NBPF12: variants seen among roughly 807,000 people sequenced by gnomAD.
The protein encoded by NBPF12 is NBPF family member NBPF12.
In NBPF12, 115 loss-of-function variants were observed where a neutral mutation model predicts 146.4. The observed-to-expected ratio is 0.79, with a 90% CI of 0.68 to 0.92. The LOEUF (loss-of-function observed/expected upper bound fraction) is 0.92, where lower values mean the gene tolerates loss of function less well. Ranked by LOEUF, NBPF12 falls within the 40% of genes least tolerant of loss-of-function variation. The probability of loss-of-function intolerance (pLI) is 0.00; values close to 1 mark genes in which losing one functional copy is unlikely to be tolerated. For synonymous variants in NBPF12, 385 were observed against 508.9 expected (o/e 0.76, Z 3.28); for missense variants, 1,205 against 1,326.8 (o/e 0.91, Z 1.43).
chr1:146,989,360 C>T (rs1657999505), intron 27 of NBPF12, among the ~76,000 whole-genome samples: 1 of 148,690 alleles, frequency 6.7e-6, no homozygotes, highest in Non-Finnish European at 1.5e-5. Context: ...CTGTCTCTGT[C>T]TCTGTCTCTG....
chr1:146,977,986 C>T (rs1167624707), intron 18 of NBPF12, among the ~76,000 whole-genome samples: 2 of 151,952 alleles, frequency 1.3e-5, no homozygotes, highest in African/African-American at 4.8e-5. Context: ...AGTCATCTGT[C>T]CATGAACAAT....
chr1:146,963,022 A>G, intron 5 of NBPF12, 73 bp from the exon 9 acceptor site: 1 of 1,556,982 alleles, frequency 6.4e-7, no homozygotes, highest in Non-Finnish European at 8.8e-7. Context: ...TGTCTCAGAA[A>G]TCTCTGTTGC....
In NBPF12 at chr1:146,964,562, G is replaced by A. The variant is rs1656068768; in HGVS notation, c.566+133G>A. 7.5e-6 allele frequency: 11 copies of A among 1,459,430 alleles called. No homozygotes were observed. The South Asian group carries it at 1.3e-4, about 17-fold the overall frequency. The allele number at this position is 1,459,430 out of a possible 1,614,324, so 90.4% of individuals were successfully genotyped here. ...GCCACAGTATGTGAAATTCAACCCAGCTTAGACACAGGGTGCGACAGCTGT... is the reference window on the plus strand; with the variant it reads ...GCCACAGTATGTGAAATTCAACCCAACTTAGACACAGGGTGCGACAGCTGT... On this transcript the variant is annotated intron_variant, in intron 7 of 33. Coordinates refer to ENST00000617844, the Ensembl canonical transcript of NBPF12.
chr1:146,965,968 A>T (rs1312861376), intron 8 of NBPF12, among the ~76,000 whole-genome samples: 2 of 151,534 alleles, frequency 1.3e-5, no homozygotes, highest in African/African-American at 2.4e-5. Context: ...ATTAGCTGTC[A>T]TGTTACTTGG....
intron 14 of NBPF12, among the ~76,000 whole-genome samples, chr1:146,973,899 C>A (rs1463446622): frequency 6.7e-6 from 1 of 150,286 alleles, no homozygotes; most frequent in Non-Finnish European, 1.5e-5. Flanking sequence ...GAAGAAAGAT[C>A]GCACCCGAGA....
chr1:146,994,456 T>C, exon 34 of NBPF12: 2 of 1,611,606 alleles, frequency 1.2e-6, no homozygotes, highest in Non-Finnish European at 1.7e-6. Context: ...CAGAAGTGTG[T>C]TTTACTCATT....
rs1485945438 is a variant in NBPF12 at position 146,970,825 on chromosome 1, T to C, written c.1379+106T>C. The C allele has an allele frequency of 8.2e-5, 90 of 1,094,056 alleles. 2 individuals carry two copies. The highest frequency in any genetic ancestry group is 4.9e-4 in the East Asian group (21 of 42,554). The allele number at this position is 1,094,056 out of a possible 1,614,324, so 67.8% of individuals were successfully genotyped here. On this transcript the variant is annotated intron_variant, in intron 12 of 33. Transcript: ENST00000617844. ...GATGGGCCAAAAGCCCGCATTCCCT[T>C]GGCCACAGTATGTGAAATTCAACCC...
chr1:146,950,865 A>G (rs1405056364), intron 1 of NBPF12, among the ~76,000 whole-genome samples: 5 of 152,140 alleles, frequency 3.3e-5, no homozygotes, highest in Non-Finnish European at 7.3e-5. Flanking sequence ...TAAAACTGCT[A>G]TGGACATTCT....
At chr1:146,980,185 C>T (rs1657280814) in intron 19 of NBPF12, among the ~76,000 whole-genome samples, 1 of 152,002 alleles carries the variant, frequency 6.6e-6, no homozygotes. Context: ...TCCTCCATCC[C>T]TTTATTTTGA....
upstream of NBPF12, among the ~76,000 whole-genome samples, chr1:146,948,677 A>T (rs1202339166): frequency 6.6e-6 from 1 of 152,024 alleles, no homozygotes; most frequent in Non-Finnish European, 1.5e-5. Flanking sequence ...GATAGTCTGA[A>T]ATACAGCCTC....
rs1182332864 is a variant in NBPF12, at chr1:146,962,149, T to A, written c.176-12T>A. 2.9e-5 allele frequency: 47 copies of A among 1,608,584 alleles called. No individual in the cohort carries two copies. The highest frequency in any genetic ancestry group is 3.8e-5 in the Non-Finnish European group (45 of 1,177,890). On this transcript the variant is annotated splice_polypyrimidine_tract_variant and intron_variant, in intron 4 of 33. Coordinates refer to ENST00000617844, the Ensembl canonical transcript of NBPF12. ...CCTTCCACTGAGGCAGGCGTGTCTG[T>A]CTTTTTCTCAGAGTATGAAGAGTGT...
chr1:146,968,863 C>T (rs1189187872), intron 10 of NBPF12, among the ~76,000 whole-genome samples: 40 of 151,358 alleles, frequency 2.6e-4, no homozygotes, highest in African/African-American at 9.6e-4. Flanking sequence ...AATGGTGTGC[C>T]ATCACGACCC....
At chr1:146,972,200 G>A (rs1656687881) in intron 13 of NBPF12, among the ~76,000 whole-genome samples, 1 of 150,900 alleles carries the variant, frequency 6.6e-6, no homozygotes, top group Non-Finnish European at 1.5e-5. Flanking sequence ...TTCGAAACCA[G>A]CCTGTCCAAG....
At chr1:146,981,627 T>C (rs1288814630) in intron 19 of NBPF12, among the ~76,000 whole-genome samples, 1 of 151,954 alleles carries the variant, frequency 6.6e-6, no homozygotes, top group African/African-American at 2.4e-5. Context: ...GAAGTCCTCC[T>C]GGATAATATC....
chr1:146,965,371 G>T (rs1174424099), intron 8 of NBPF12, among the ~76,000 whole-genome samples: 1 of 151,306 alleles, frequency 6.6e-6, no homozygotes, highest in Non-Finnish European at 1.5e-5. Flanking sequence ...ATGGTGCTGC[G>T]TGCCTATAGT....
At chr1:146,951,353 G>T (rs1655317500) in exon 2 of NBPF12, 1 of 630,372 alleles carries the variant, frequency 1.6e-6, no homozygotes, top group Non-Finnish European at 2.8e-6. Flanking sequence ...GGTAGCCCTT[G>T]AAGATAAGGA....
intron 13 of NBPF12, among the ~76,000 whole-genome samples, 198 bp from the exon 17 acceptor site, chr1:146,972,553 C>T (rs1343500726): frequency 2.6e-5 from 4 of 151,612 alleles, no homozygotes; most frequent in African/African-American, 7.3e-5. Context: ...GTGTTTATGT[C>T]CTGGTTTCAA....
intron 1 of NBPF12, among the ~76,000 whole-genome samples, chr1:146,942,860 A>C (rs1435715953): frequency 4.7e-5 from 7 of 149,914 alleles, no homozygotes; most frequent in African/African-American, 7.5e-5. Flanking sequence ...ATTCTTGTTC[A>C]CTAAGATCTA....
At chr1:146,938,993 C>A (rs1201396797) in intron 1 of NBPF12, 1 of 152,284 alleles carries the variant, frequency 6.6e-6, no homozygotes, top group African/African-American at 2.4e-5. Flanking sequence ...GTGAGGGCGC[C>A]GCGCCAGGCC....
Sources: allele counts gnomAD v4.1 joint callset (sites outside exome capture counted in the v4.1 genomes callset), GRCh38; gene constraint gnomAD v4.1.1; transcripts MANE v1.5; gene names NCBI Gene and HGNC (gene_info 2026-07-23, HGNC 2026-07-21).